The following PTPA variants were observed in gnomAD, a reference collection of about 807,000 sequenced individuals.
The protein encoded by PTPA is protein phosphatase 2 phosphatase activator.
Under a neutral mutation model 43.6 loss-of-function variants are expected in PTPA, and 13 were observed. That is an observed-to-expected ratio of 0.30 (90% confidence interval 0.19 to 0.47). PTPA has a LOEUF of 0.47. PTPA is among the 20% of genes least tolerant of loss of function. The pLI is 0.99. For synonymous variants in PTPA, 172 were observed against 158.2 expected (o/e 1.09, Z -0.66); for missense variants, 329 against 411.9 (o/e 0.80, Z 1.74).
At chr9:129,141,456 C>G (rs570628405) in intron 8 of PTPA, among the ~76,000 whole-genome samples, 3 of 152,150 alleles carry the variant, frequency 2.0e-5, no homozygotes, top group Non-Finnish European at 4.4e-5. Flanking sequence ...GGTACAGAGC[C>G]CTGTTCCCCT....
In PTPA at chr9:129,148,809, G is replaced by C. The variant is rs1194307853; in HGVS notation, c.*1345G>C. 1.3e-5 allele frequency: 2 copies of C among 152,802 alleles called. No homozygotes were observed. Among genetic ancestry groups the C allele is most frequent in the African/African-American group, 4.8e-5 (2 of 41,456 alleles). The allele number at this position is 152,802 out of a possible 1,614,324, so 9.5% of individuals were successfully genotyped here. On this transcript the variant is annotated 3_prime_UTR_variant, in exon 10 of 10. Coordinates refer to ENST00000393370, the MANE Select transcript of PTPA (RefSeq NM_178000.3). ...TCAGGAGTCCCAAAGGTCAGTGACAGTTTCTCAGAAGAGGCCCAGCGTCCA... is the reference window on the plus strand; with the variant it reads ...TCAGGAGTCCCAAAGGTCAGTGACACTTTCTCAGAAGAGGCCCAGCGTCCA...
chr9:129,141,005 G>A (rs1002031430), intron 8 of PTPA, among the ~76,000 whole-genome samples: 2 of 152,062 alleles, frequency 1.3e-5, no homozygotes, highest in African/African-American at 4.8e-5. Context: ...TGGGTGCCTC[G>A]GGCTCTTGCC....
intron 8 of PTPA, among the ~76,000 whole-genome samples, chr9:129,138,605 C>T (rs917190909): frequency 7.2e-5 from 11 of 152,254 alleles, no homozygotes; most frequent in African/African-American, 1.9e-4. Context: ...GTCCCTTTCC[C>T]GACACCAGCA....
At chr9:129,143,058 A>T (rs1378954835) in intron 9 of PTPA, 16 of 771,342 alleles carry the variant, frequency 2.1e-5, no homozygotes, top group Non-Finnish European at 3.2e-5. Context: ...AGGGATTTTG[A>T]TGCAAATGGT....
intron 8 of PTPA, among the ~76,000 whole-genome samples, chr9:129,141,422 C>CT (rs1452895826): frequency 1.1e-4 from 17 of 152,342 alleles, no homozygotes; most frequent in African/African-American, 3.8e-4. Context: ...TTTGCAGAGT[C>CT]TTCCTTCTGC....
chr9:129,143,172 G>C (rs1248329107), intron 9 of PTPA: 1 of 618,208 alleles, frequency 1.6e-6, no homozygotes, highest in Non-Finnish European at 2.9e-6. Flanking sequence ...TCTTGGCACT[G>C]TTCTCCCAGC....
chr9:129,119,356 C>A (rs932308773), intron 1 of PTPA, among the ~76,000 whole-genome samples: 1 of 151,508 alleles, frequency 6.6e-6, no homozygotes, highest in African/African-American at 2.4e-5. Context: ...TTTACGTGTC[C>A]GTGCTTATTC....
At chr9:129,140,440 T>C (rs966759389) in intron 8 of PTPA, among the ~76,000 whole-genome samples, 2 of 152,190 alleles carry the variant, frequency 1.3e-5, no homozygotes, top group African/African-American at 4.8e-5. Context: ...AAACTACCTC[T>C]CTGGCCTTTC....
intron 9 of PTPA, among the ~76,000 whole-genome samples, chr9:129,144,698 C>T (rs1202674451): frequency 6.8e-6 from 1 of 147,260 alleles, no homozygotes; most frequent in Non-Finnish European, 1.5e-5. Flanking sequence ...GAGATGGTGC[C>T]ACTGCACTCC....
Position 129,123,060 on chromosome 9 carries a change from T to G in PTPA, c.138T>G (p.Ala46=). 6.2e-7 allele frequency: 1 copy of G among 1,609,854 alleles called. No individual in the cohort carries two copies. The highest frequency in any genetic ancestry group is 8.5e-7 in the Non-Finnish European group (1 of 1,177,588). ...MGKWKRSQAY[A]DYIGFILTLN... ...TCCTCTCTGTTTGGTAGGCATACGCTGACTACATCGGATTCATCCTTACCC... is the reference window on the plus strand; with the variant it reads ...TCCTCTCTGTTTGGTAGGCATACGCGGACTACATCGGATTCATCCTTACCC... Residue 46 remains alanine, a synonymous_variant, in exon 3 of 10, where the codon GCT becomes GCG. Coordinates refer to ENST00000393370, the MANE Select transcript of PTPA (RefSeq NM_178000.3).
intron 9 of PTPA, among the ~76,000 whole-genome samples, chr9:129,144,532 A>T (rs572491292): frequency 1.5e-3 from 222 of 151,300 alleles, no homozygotes; most frequent in Non-Finnish European, 2.8e-3. Context: ...AGGTCAGGAG[A>T]TCGAGACCAT....
intron 2 of PTPA, among the ~76,000 whole-genome samples, chr9:129,121,628 G>A (rs1849256302): frequency 6.6e-6 from 1 of 152,214 alleles, no homozygotes; most frequent in Non-Finnish European, 1.5e-5. Context: ...CCTGTGCCAT[G>A]TAGGACGTTT....
At chr9:129,135,019 A>C in intron 6 of PTPA, 125 bp downstream of exon 6, 1 of 741,408 alleles carries the variant, frequency 1.3e-6, no homozygotes, top group Non-Finnish European at 2.2e-6. Flanking sequence ...TCCTGTCCTA[A>C]TCAAGCTCTG....
chr9:129,134,391 A>G (rs547428414), intron 5 of PTPA, among the ~76,000 whole-genome samples: 24 of 134,308 alleles, frequency 1.8e-4, no homozygotes, highest in African/African-American at 6.9e-4. Context: ...TGCAGCCTCA[A>G]CCTCCTGGGC....
intron 2 of PTPA, 23 bp from the exon 3 acceptor site, chr9:129,123,029 C>T: frequency 1.3e-6 from 2 of 1,577,990 alleles, no homozygotes; most frequent in Non-Finnish European, 8.7e-7. Context: ...CTCCCCATCC[C>T]CATTCTCCTC....
intron 9 of PTPA, among the ~76,000 whole-genome samples, chr9:129,144,793 G>A (rs1190322043): frequency 1.3e-5 from 2 of 151,284 alleles, no homozygotes; most frequent in Admixed American, 6.6e-5. Context: ...AGCAATTTGG[G>A]AGGCTGAGGT....
At chr9:129,118,902 C>T (rs1162236128) in intron 1 of PTPA, 2 of 151,938 alleles carry the variant, frequency 1.3e-5, no homozygotes, top group African/African-American at 4.9e-5. Flanking sequence ...CCTGTTGACT[C>T]ATTGTGTATA....
chr9:129,112,974 T>C (rs192804923), intron 1 of PTPA, among the ~76,000 whole-genome samples: 1,579 of 152,090 alleles, frequency 0.01, 9 homozygotes, highest in Non-Finnish European at 0.015. Context: ...GTCCACTCTT[T>C]TGGCTTCTCT....
At chr9:129,138,970 C>T (rs758989338) in intron 8 of PTPA, among the ~76,000 whole-genome samples, 4 of 152,152 alleles carry the variant, frequency 2.6e-5, no homozygotes, top group African/African-American at 4.8e-5. Context: ...GCCAGTCACG[C>T]GCTGCTCTCT....
Sources: gnomAD v4.1 joint callset for allele counts (sites outside exome capture counted in the v4.1 genomes callset) on GRCh38, gnomAD v4.1.1 for gene constraint, MANE v1.5 for transcripts, NCBI Gene and HGNC (gene_info 2026-07-23, HGNC 2026-07-21) for gene names.